DTWD2: variants seen among roughly 807,000 people sequenced by gnomAD.
The protein encoded by DTWD2 is DTW motif tRNA-uridine aminocarboxypropyltransferase 2, also known as tRNA-uridine aminocarboxypropyltransferase 2.
DTWD2 carries 39 observed loss-of-function variants against 31.8 expected under a neutral mutation model. That is an observed-to-expected ratio of 1.22 (90% confidence interval 0.95 to 1.60). The LOEUF (loss-of-function observed/expected upper bound fraction) is 1.60. Ranked by LOEUF, DTWD2 falls within the 40% of genes most tolerant of loss-of-function variation. DTWD2 has a pLI of 0.00. For missense variants in DTWD2, 515 were observed against 381.5 expected (o/e 1.35, Z -2.92); for synonymous variants, 180 against 142.8 (o/e 1.26, Z -1.86).
chr5:118,841,899 G>C (rs1405347624), intron 5 of DTWD2, among the ~76,000 whole-genome samples: 1 of 152,022 alleles, frequency 6.6e-6, no homozygotes, highest in Admixed American at 6.6e-5. Flanking sequence ...TAATTAAACA[G>C]ATTGTTAAAG....
chr5:118,920,295 T>C (rs897996130), intron 4 of DTWD2, among the ~76,000 whole-genome samples: 2 of 152,094 alleles, frequency 1.3e-5, no homozygotes, highest in Admixed American at 6.5e-5. Flanking sequence ...TCATCCTGTT[T>C]CTTTTTTTAA....
rs776097347 is a variant in DTWD2 at position 118,969,353 on chromosome 5, C to G, written c.218+18941G>C. On this transcript the variant is annotated intron_variant, in intron 1 of 5. Transcript: ENST00000510708. ...AGCCAGACTGCTTCTTTAAGCAGGTCCCTGATCCTGTTCCCCCTGACTGGG... is the reference window on the plus strand; with the variant it reads ...AGCCAGACTGCTTCTTTAAGCAGGTGCCTGATCCTGTTCCCCCTGACTGGG... Among the ~76,000 whole-genome samples the G allele has an allele frequency of 2.6e-5, 4 of 152,198 alleles. No homozygotes were observed. In the South Asian group the frequency reaches 8.3e-4, roughly 31 times the overall value.
At chr5:118,931,734 A>C (rs948612221) in intron 3 of DTWD2, among the ~76,000 whole-genome samples, 3 of 152,216 alleles carry the variant, frequency 2.0e-5, no homozygotes, top group Non-Finnish European at 4.4e-5. Context: ...ATTATCAATC[A>C]ACTTGATCTA....
At chr5:118,946,834 G>A (rs561174285) in intron 1 of DTWD2, among the ~76,000 whole-genome samples, 15 of 152,078 alleles carry the variant, frequency 9.9e-5, no homozygotes, top group African/African-American at 2.9e-4. Context: ...TCTGCCTCCC[G>A]GATTCAATCG....
At chr5:118,889,985 T>C (rs938786699) in intron 4 of DTWD2, among the ~76,000 whole-genome samples, 1 of 152,322 alleles carries the variant, frequency 6.6e-6, no homozygotes, top group Middle Eastern at 3.4e-3. Context: ...AGTGGGTAAG[T>C]CCATTTTCTG....
intron 1 of DTWD2, among the ~76,000 whole-genome samples, chr5:118,977,487 A>T (rs1281290619): frequency 6.6e-6 from 1 of 152,212 alleles, no homozygotes; most frequent in Non-Finnish European, 1.5e-5. Context: ...ACTTCAGCAA[A>T]GTCTCAGGAT....
In DTWD2 at chr5:118,840,572, C is replaced by G. The variant is rs781640923; in HGVS notation, c.*345G>C. 2.4e-4 allele frequency: 39 copies of G among 165,828 alleles called. No homozygotes were observed. Among genetic ancestry groups the G allele is most frequent in the Non-Finnish European group, 4.0e-4 (31 of 77,638 alleles). 10.3% of individuals were successfully genotyped at this position (165,828 alleles called of 1,614,324 possible). On this transcript the variant is annotated 3_prime_UTR_variant, in exon 6 of 6. Transcript: ENST00000510708. ...CTAATTATTTATAAACATTAATGGA[C>G]ACAACACCGTTCCAATCCACTACAA...
chr5:118,917,531 GA>G (rs1753606312), intron 4 of DTWD2, among the ~76,000 whole-genome samples: 1 of 152,150 alleles, frequency 6.6e-6, no homozygotes, highest in Non-Finnish European at 1.5e-5. Flanking sequence ...AATTTATAAA[GA>G]AAATAGGTTT....
intron 4 of DTWD2, among the ~76,000 whole-genome samples, chr5:118,856,764 C>CTTTTTTTTTTTTTTTTTTTTTTT (rs68175368): frequency 2.3e-5 from 1 of 44,342 alleles, no homozygotes; most frequent in Non-Finnish European, 4.0e-5. Context: ...TTGAGGCTTA[C>CTTTTTTTTTTTTTTTTTTTTTTT]TTTTTTTTTT....
At chr5:118,953,542 C>A (rs903922849) in intron 1 of DTWD2, among the ~76,000 whole-genome samples, 2 of 152,158 alleles carry the variant, frequency 1.3e-5, no homozygotes, top group African/African-American at 4.8e-5. Flanking sequence ...TAAATGACAA[C>A]TGACTGGTAG....
intron 4 of DTWD2, among the ~76,000 whole-genome samples, chr5:118,857,899 C>A (rs958040468): frequency 3.9e-5 from 6 of 152,142 alleles, no homozygotes; most frequent in Non-Finnish European, 7.4e-5. Context: ...TTACTGCTTC[C>A]TCTTACATAT....
intron 1 of DTWD2, among the ~76,000 whole-genome samples, chr5:118,981,808 G>C (rs1458055402): frequency 6.6e-6 from 1 of 152,116 alleles, no homozygotes; most frequent in Non-Finnish European, 1.5e-5. Context: ...TTTAAAAATT[G>C]CTTACCTCAA....
chr5:118,876,500 A>C lies in DTWD2; in HGVS notation c.598-28282T>G, dbSNP rs544779032. 4.6e-5 allele frequency among the ~76,000 whole-genome samples: 7 copies of C among 152,338 alleles called. 1 individual carries two copies. In the South Asian group the frequency reaches 1.4e-3, roughly 32 times the overall value. ...TAGACCACTAGCTAGACTTATAAAC[A>C]AGAAAAGAGATATGATTCAAATAAA... On this transcript the variant is annotated intron_variant, in intron 4 of 5. Transcript: ENST00000510708.
In DTWD2 at chr5:118,902,973, T is replaced by C. The variant is rs1753249589; in HGVS notation, c.597+25564A>G. ...TTATATTACATCCTTTGGGTATATC[T>C]ATGTTGTAGCACATCATAACTAAAA... is the stretch of plus-strand genomic sequence containing the variant. On this transcript the variant is annotated intron_variant, in intron 4 of 5. Coordinates refer to ENST00000510708, the MANE Select transcript of DTWD2 (RefSeq NM_173666.4). Among the ~76,000 whole-genome samples the C allele has an allele frequency of 2.6e-5, 4 of 152,114 alleles. No individual in the cohort carries two copies. The South Asian group carries it at 8.3e-4, about 31-fold the overall frequency.
chr5:118,836,529 G>C lies in DTWD2; in HGVS notation c.*4388C>G, dbSNP rs899687763. ...TGGAATTACAGATGTGAGCCACCACGCTTGGCTCAAGTGAATAATTCTTAA... is the reference window on the plus strand; with the variant it reads ...TGGAATTACAGATGTGAGCCACCACCCTTGGCTCAAGTGAATAATTCTTAA... On this transcript the variant is annotated 3_prime_UTR_variant, in exon 6 of 6. Transcript: ENST00000510708. Among the ~76,000 whole-genome samples, 1 of 152,156 alleles carries C rather than the reference G, an allele frequency of 6.6e-6. No homozygotes were observed. Among genetic ancestry groups the C allele is most frequent in the South Asian group, 2.1e-4 (1 of 4,820 alleles).
At chr5:118,883,566 G>C in intron 4 of DTWD2, among the ~76,000 whole-genome samples, 1 of 152,112 alleles carries the variant, frequency 6.6e-6, no homozygotes. Flanking sequence ...ACAGTTCCCC[G>C]CATAGCTGAG....
At chr5:118,950,497 C>T (rs924602829) in intron 1 of DTWD2, among the ~76,000 whole-genome samples, 6 of 152,278 alleles carry the variant, frequency 3.9e-5, no homozygotes, top group South Asian at 4.1e-4. Flanking sequence ...CCGAGAAGAT[C>T]GGGGAAGGAG....
intron 4 of DTWD2, among the ~76,000 whole-genome samples, chr5:118,920,923 T>C (rs1370538042): frequency 1.3e-5 from 2 of 152,030 alleles, no homozygotes; most frequent in Admixed American, 6.6e-5. Flanking sequence ...GAGAAGTGAG[T>C]TCACAGTTAA....
chr5:118,973,616 CTCGCGGCAGCCTCCTT>C (rs1326200869), intron 1 of DTWD2, among the ~76,000 whole-genome samples: 2 of 23,412 alleles, frequency 8.5e-5, no homozygotes, highest in African/African-American at 1.9e-4. Flanking sequence ...CGCCTCCTTG[CTCGCGGCAGCCTCCTT>C]GCTCGCGGCA....
Sources: allele counts gnomAD v4.1 joint callset (sites outside exome capture counted in the v4.1 genomes callset), GRCh38; gene constraint gnomAD v4.1.1; transcripts MANE v1.5; gene names NCBI Gene and HGNC (gene_info 2026-07-23, HGNC 2026-07-21).